USP25: variants seen among roughly 807,000 people sequenced by gnomAD.
USP25 encodes the protein ubiquitin carboxyl-terminal hydrolase 25.
Under a neutral mutation model 158.5 loss-of-function variants are expected in USP25, and 85 were observed. The ratio of observed to expected loss-of-function variants is 0.54; its 90% confidence interval spans 0.45 to 0.64. USP25 has a LOEUF of 0.64. Among genes scored for constraint, USP25 ranks in the 30% least tolerant of loss-of-function variants. The probability of loss-of-function intolerance (pLI) is 0.00; values close to 1 mark genes in which losing one functional copy is unlikely to be tolerated. For synonymous variants in USP25, 464 were observed against 460.4 expected, an observed-to-expected ratio of 1.01 and a Z score of -0.10; for missense variants, 1,242 against 1,327.3, an observed-to-expected ratio of 0.94 and a Z score of 1.00.
At chr21:15,867,917 A>G (rs1309951592) in intron 22 of USP25, among the ~76,000 whole-genome samples, 1 of 152,134 alleles carries the variant, frequency 6.6e-6, no homozygotes, top group Non-Finnish European at 1.5e-5. Context: ...TAATATATAG[A>G]TATCACTTTT....
intron 7 of USP25, 135 bp from the exon 8 acceptor site, chr21:15,808,674 A>G (rs2036510574): frequency 5.1e-6 from 3 of 586,472 alleles, no homozygotes. Flanking sequence ...ATTTCGTGTG[A>G]AACATTTCAC....
intron 21 of USP25, among the ~76,000 whole-genome samples, chr21:15,865,677 G>GT (rs2039625403): frequency 6.6e-6 from 1 of 152,178 alleles, no homozygotes; most frequent in Non-Finnish European, 1.5e-5. Flanking sequence ...TATTAATGGA[G>GT]TAATCACATT....
chr21:15,803,722 G>A (rs1163303492), intron 6 of USP25, among the ~76,000 whole-genome samples: 1 of 151,856 alleles, frequency 6.6e-6, no homozygotes, highest in African/African-American at 2.4e-5. Flanking sequence ...ACTGATCTCA[G>A]GAAATTAAGG....
intron 4 of USP25, among the ~76,000 whole-genome samples, chr21:15,790,768 G>A (rs188704251): frequency 1.3e-3 from 196 of 149,604 alleles, no homozygotes; most frequent in African/African-American, 4.5e-3. Flanking sequence ...TTATACTTAT[G>A]TTGTTGCATG....
rs543309010 is a variant in USP25 at position 15,827,866 on chromosome 21, TTC to T, written c.1693+665_1693+666del. Among the ~76,000 whole-genome samples, 1,119 of 151,024 alleles carry T rather than the reference TTC, an allele frequency of 7.4e-3. 8 individuals carry two copies. The highest frequency in any genetic ancestry group is 0.012 in the Non-Finnish European group (786 of 67,926). ...CTTTTATTCTTTTCTATTCTATTTTTTCTTTTTTTTCAGAATAAGTTATTCTG... is the reference window on the plus strand; with the variant it reads ...CTTTTATTCTTTTCTATTCTATTTTTTTTTTTTTCAGAATAAGTTATTCTG... On this transcript the variant is annotated intron_variant, in intron 14 of 25. Coordinates refer to ENST00000400183, the MANE Select transcript of USP25 (RefSeq NM_001283041.3).
chr21:15,738,399 A>T (rs1021818049), intron 1 of USP25, among the ~76,000 whole-genome samples: 2 of 152,198 alleles, frequency 1.3e-5, no homozygotes, highest in African/African-American at 4.8e-5. Flanking sequence ...GATCTTTATG[A>T]TACAGGATGA....
At chr21:15,871,301 TTA>T (rs1457920538) in intron 23 of USP25, among the ~76,000 whole-genome samples, 1 of 152,224 alleles carries the variant, frequency 6.6e-6, no homozygotes, top group African/African-American at 2.4e-5. Context: ...AATTTATGAG[TTA>T]TGTCAATCAA....
At chr21:15,750,220 T>A (rs2032894596) in intron 1 of USP25, among the ~76,000 whole-genome samples, 1 of 139,550 alleles carries the variant, frequency 7.2e-6, no homozygotes, top group African/African-American at 2.9e-5. Flanking sequence ...GTATGTTTTT[T>A]TTTTTTTTTT....
intron 21 of USP25, among the ~76,000 whole-genome samples, chr21:15,864,919 G>A (rs1170898592): frequency 6.6e-6 from 1 of 152,036 alleles, no homozygotes; most frequent in Non-Finnish European, 1.5e-5. Context: ...ACCCTTATTA[G>A]AGAATCACTG....
intron 9 of USP25, among the ~76,000 whole-genome samples, chr21:15,813,444 C>A (rs766175812): frequency 1.3e-5 from 2 of 152,192 alleles, no homozygotes; most frequent in Non-Finnish European, 2.9e-5. Flanking sequence ...GCCTCAGGCT[C>A]CATAACCTAG....
At chr21:15,831,362 A>G (rs1455172301) in intron 15 of USP25, 39 bp from the exon 16 acceptor site, 3 of 1,556,752 alleles carry the variant, frequency 1.9e-6, no homozygotes, top group African/African-American at 1.4e-5. Flanking sequence ...ATAGTAAACT[A>G]CATAATTGCA....
At chr21:15,783,503 A>G (rs918036122) in intron 4 of USP25, among the ~76,000 whole-genome samples, 2 of 152,208 alleles carry the variant, frequency 1.3e-5, no homozygotes, top group African/African-American at 4.8e-5. Context: ...CGTCACATAT[A>G]TGGGAATTCC....
chr21:15,823,474 T>A (rs1003357771), intron 10 of USP25, among the ~76,000 whole-genome samples: 2 of 152,114 alleles, frequency 1.3e-5, no homozygotes, highest in Non-Finnish European at 2.9e-5. Flanking sequence ...AGTAAATTAC[T>A]CTAAGTATTA....
chr21:15,745,473 C>CTTTTTTTTTTTTTTTT (rs11284817), intron 1 of USP25, among the ~76,000 whole-genome samples: 44 of 112,982 alleles, frequency 3.9e-4, no homozygotes, highest in African/African-American at 5.4e-4. Flanking sequence ...TTTTTCTTTT[C>CTTTTTTTTTTTTTTTT]TTTTTTTTTT....
chr21:15,784,378 G>T (rs1185799146), intron 4 of USP25, among the ~76,000 whole-genome samples: 1 of 152,118 alleles, frequency 6.6e-6, no homozygotes, highest in Non-Finnish European at 1.5e-5. Flanking sequence ...TTTGAGACCA[G>T]CCTGATGAAC....
chr21:15,866,254 T>A lies in USP25; in HGVS notation c.2727-12T>A. The A allele has an allele frequency of 6.5e-7, 1 of 1,545,370 alleles. No individual in the cohort carries two copies. The highest frequency in any genetic ancestry group is 1.4e-5 in the African/African-American group (1 of 72,436). ...ATACACACACGCTCATATGTATGTG[T>A]TTTTTTTTAAGGTGTCACAACATAA... is the stretch of plus-strand genomic sequence containing the variant. On this transcript the variant is annotated splice_polypyrimidine_tract_variant and intron_variant, in intron 21 of 25. Coordinates refer to ENST00000400183, the MANE Select transcript of USP25 (RefSeq NM_001283041.3).
chr21:15,831,382 T>C lies in USP25; in HGVS notation c.1765-19T>C. The C allele has an allele frequency of 1.9e-6, 3 of 1,611,952 alleles. No homozygotes were observed. Among genetic ancestry groups the C allele is most frequent in the Non-Finnish European group, 2.5e-6 (3 of 1,178,038 alleles). On this transcript the variant is annotated intron_variant, in intron 15 of 25. Coordinates refer to ENST00000400183, the MANE Select transcript of USP25 (RefSeq NM_001283041.3). The stretch of plus-strand genomic sequence containing the variant: ...AAACTACATAATTGCAGTTTAACTC[T>C]TCTTTTTTTCACATTTAGGTTCCTT...
chr21:15,840,423 A>G (rs1289387107), intron 17 of USP25, among the ~76,000 whole-genome samples: 2 of 152,180 alleles, frequency 1.3e-5, no homozygotes, highest in African/African-American at 2.4e-5. Context: ...TACCTAATAT[A>G]GTACTGAAAA....
rs2038381687 is a variant in USP25, at chr21:15,842,440, G to T, written c.2237G>T (p.Arg746Ile). The T allele has an allele frequency of 1.9e-6, 3 of 1,613,742 alleles. No homozygotes were observed. Among genetic ancestry groups the T allele is most frequent in the African/African-American group, 1.3e-5 (1 of 75,010 alleles). The change falls in exon 18 of 26, where the codon AGA becomes ATA. Residue 746 changes from arginine (R) to isoleucine (I), a missense_variant. Physicochemically the swap from Arg to Ile is moderately conservative, Grantham distance 97. Transcript: ENST00000400183. The part of the protein sequence containing the change: ...GDPEYLEQPS[R>I]SDFSKHLKEE... ...CCAGAATATCTAGAGCAGCCATCAA[G>T]AAGTGATTTCTCAAAGCACTTGAAA...
Sources: gnomAD v4.1 joint callset for allele counts (sites outside exome capture counted in the v4.1 genomes callset) on GRCh38, gnomAD v4.1.1 for gene constraint, MANE v1.5 for transcripts, NCBI Gene and HGNC (gene_info 2026-07-23, HGNC 2026-07-21) for gene names.